Variants in CRACD observed in about 807,000 individuals in gnomAD.
CRACD encodes the protein capping protein inhibiting regulator of actin dynamics, also known as capping protein-inhibiting regulator of actin dynamics.
CRACD carries 56 observed loss-of-function variants against 106.8 expected under a neutral mutation model. That is an observed-to-expected ratio of 0.52 (90% CI 0.42 to 0.66). The LOEUF (loss-of-function observed/expected upper bound fraction) is 0.66, where lower values mean the gene tolerates loss of function less well. Ranked by LOEUF, CRACD falls within the 30% of genes least tolerant of loss-of-function variation. The pLI, the probability that CRACD is intolerant of heterozygous loss-of-function variation, is 0.00. For synonymous variants in CRACD, 754 were observed against 670.8 expected (o/e 1.12, Z -1.92); for missense variants, 1,730 against 1,623.2 (o/e 1.07, Z -1.13).
chr4:56,191,202 G>A (rs1377141872), intron 2 of CRACD, among the ~76,000 whole-genome samples: 1 of 152,212 alleles, frequency 6.6e-6, no homozygotes, highest in African/African-American at 2.4e-5. Context: ...ACAAATTGTA[G>A]TTCTAGAGAT....
Position 56,314,163 on chromosome 4 carries a change from A to G in CRACD, c.661A>G (p.Arg221Gly). 1.9e-6 allele frequency: 3 copies of G among 1,613,952 alleles called. No homozygotes were observed. Among genetic ancestry groups the G allele is most frequent in the South Asian group, 1.1e-5 (1 of 91,042 alleles). ...CAATCCGCTGGATTCCGAGGAAGAG[A>G]GAAGACGCCAAGAAGACTACTGGCG... ...EPNPLDSEEE[R>G]RRQEDYWREL... The change falls in exon 8 of 11, where the codon AGA (arginine) becomes GGA (glycine). Residue 221 changes from arginine to glycine, a missense_variant. Arg to Gly is a moderately radical substitution (Grantham distance 125, BLOSUM62 -2). Transcript: ENST00000682029. This position sits in a 1 kb window ranked among gnomAD's most constrained non-coding sequence, Gnocchi z 4.4.
chr4:56,199,506 A>AC (rs1302148193), intron 2 of CRACD, among the ~76,000 whole-genome samples: 1 of 151,860 alleles, frequency 6.6e-6, no homozygotes, highest in African/African-American at 2.4e-5. Context: ...ACATGGTGAA[A>AC]CCCCATCTCT....
At chr4:56,223,091 TCTC>T (rs1194968909) in intron 2 of CRACD, among the ~76,000 whole-genome samples, 1 of 149,726 alleles carries the variant, frequency 6.7e-6, no homozygotes, top group Non-Finnish European at 1.5e-5. Flanking sequence ...CATGGTAAAA[TCTC>T]CTGAGTAGAA....
At chr4:56,129,388 A>G (rs1734754156) in intron 1 of CRACD, among the ~76,000 whole-genome samples, 1 of 152,210 alleles carries the variant, frequency 6.6e-6, no homozygotes, top group South Asian at 2.1e-4. Context: ...TGTAATTTTC[A>G]TCAGTGATTG....
At chr4:56,325,068 C>T (rs1017236138) in intron 10 of CRACD, among the ~76,000 whole-genome samples, 14 of 152,188 alleles carry the variant, frequency 9.2e-5, no homozygotes, top group African/African-American at 2.9e-4. Flanking sequence ...GGTATGGTGG[C>T]TCATGCCTGT....
At chr4:56,114,009 A>G (rs1399111325) in intron 1 of CRACD, among the ~76,000 whole-genome samples, 2 of 151,992 alleles carry the variant, frequency 1.3e-5, no homozygotes, top group Non-Finnish European at 2.9e-5. Context: ...TTAATTATAT[A>G]TAGAATTAAT....
chr4:56,202,429 T>C (rs527912250), intron 2 of CRACD, among the ~76,000 whole-genome samples: 2 of 152,130 alleles, frequency 1.3e-5, no homozygotes, highest in East Asian at 3.9e-4. Flanking sequence ...CTATTTTTAA[T>C]AGAGATGGAG....
intron 2 of CRACD, among the ~76,000 whole-genome samples, chr4:56,214,188 G>T (rs1033625658): frequency 6.6e-6 from 1 of 152,138 alleles, no homozygotes; most frequent in Non-Finnish European, 1.5e-5. Context: ...CTGCTTCCTT[G>T]TAGATGGCCA....
At chr4:56,072,083 G>A (rs1248701723) in intron 1 of CRACD, among the ~76,000 whole-genome samples, 5 of 148,206 alleles carry the variant, frequency 3.4e-5, no homozygotes, top group Admixed American at 6.7e-5. Context: ...AGCCGAGATC[G>A]CGCCACTGCA....
intron 1 of CRACD, among the ~76,000 whole-genome samples, chr4:56,165,121 G>T (rs1003861658): frequency 1.3e-5 from 2 of 152,196 alleles, no homozygotes; most frequent in Non-Finnish European, 2.9e-5. Context: ...ATCACTTTCT[G>T]CCATCGTCAG....
chr4:56,112,661 T>C (rs1304235563), intron 1 of CRACD, among the ~76,000 whole-genome samples: 1 of 152,136 alleles, frequency 6.6e-6, no homozygotes, highest in Non-Finnish European at 1.5e-5. Flanking sequence ...CAAGGACATA[T>C]GTTATAATAA....
chr4:56,312,934 T>C (rs139421745), intron 6 of CRACD, among the ~76,000 whole-genome samples: 4 of 152,370 alleles, frequency 2.6e-5, no homozygotes, highest in Non-Finnish European at 5.9e-5. Flanking sequence ...GAACCTCATA[T>C]TAGTCAAAGT....
chr4:56,063,381 A>G (rs1472508037), intron 1 of CRACD, among the ~76,000 whole-genome samples: 1 of 152,110 alleles, frequency 6.6e-6, no homozygotes, highest in Admixed American at 6.6e-5. Flanking sequence ...ATTGTGGTAA[A>G]ATATATATAA....
intron 2 of CRACD, among the ~76,000 whole-genome samples, chr4:56,233,432 A>G (rs1739765850): frequency 2.0e-5 from 3 of 151,984 alleles, no homozygotes; most frequent in Non-Finnish European, 4.4e-5. Context: ...TTTAACCATC[A>G]TTTGTTGAAA....
intron 2 of CRACD, among the ~76,000 whole-genome samples, chr4:56,219,347 T>A (rs973050048): frequency 1.3e-5 from 2 of 152,090 alleles, no homozygotes; most frequent in Non-Finnish European, 2.9e-5. Flanking sequence ...TTTGTTCGTT[T>A]GTTTGTTTGT....
At chr4:56,222,940 A>G (rs570415584) in intron 2 of CRACD, among the ~76,000 whole-genome samples, 6 of 151,898 alleles carry the variant, frequency 4.0e-5, no homozygotes, top group Admixed American at 1.3e-4. Flanking sequence ...ACGCCATTGC[A>G]CTCCAGCCTG....
intron 5 of CRACD, chr4:56,308,949 A>G (rs2109750987): frequency 7.8e-7 from 1 of 1,278,632 alleles, no homozygotes; most frequent in South Asian, 1.2e-5. Context: ...TGGGTATTAC[A>G]GAGGTGAGCA....
intron 3 of CRACD, among the ~76,000 whole-genome samples, chr4:56,289,311 T>C (rs2109695772): frequency 6.6e-6 from 1 of 152,314 alleles, no homozygotes; most frequent in South Asian, 2.1e-4. Flanking sequence ...TTGATCAATA[T>C]TATACAAATA....
intron 2 of CRACD, among the ~76,000 whole-genome samples, chr4:56,203,527 CTTCCT>C (rs966486101): frequency 6.6e-6 from 1 of 152,150 alleles, no homozygotes; most frequent in Non-Finnish European, 1.5e-5. Context: ...CTTGAGGTTC[CTTCCT>C]TCCTTCATTC....
Sources: allele counts gnomAD v4.1 joint callset (sites outside exome capture counted in the v4.1 genomes callset), GRCh38; gene constraint gnomAD v4.1.1; non-coding constraint Gnocchi (gnomAD v3.1); transcripts MANE v1.5; gene names NCBI Gene and HGNC (gene_info 2026-07-23, HGNC 2026-07-21).